AGPS: variants seen among roughly 807,000 people sequenced by gnomAD.
AGPS encodes the protein alkyldihydroxyacetonephosphate synthase, peroxisomal.
Under a neutral mutation model 90.7 loss-of-function variants are expected in AGPS, and 26 were observed. The ratio of observed to expected loss-of-function variants is 0.29; its 90% CI spans 0.21 to 0.40. The LOEUF is 0.40. Among genes scored for constraint, AGPS ranks in the 10% least tolerant of loss-of-function variants. AGPS has a pLI of 1.00. For synonymous variants in AGPS, 294 were observed against 285.3 expected, an observed-to-expected ratio of 1.03 and a Z score of -0.31; for missense variants, 540 against 816.1, an observed-to-expected ratio of 0.66 and a Z score of 4.12.
At chr2:177,466,830 A>G (rs1687466787) in intron 9 of AGPS, among the ~76,000 whole-genome samples, 1 of 151,956 alleles carries the variant, frequency 6.6e-6, no homozygotes. Flanking sequence ...CAGGCCCCCA[A>G]GAGTGTAGAG....
At chr2:177,401,889 T>C (rs1308631628) in intron 1 of AGPS, among the ~76,000 whole-genome samples, 1 of 152,164 alleles carries the variant, frequency 6.6e-6, no homozygotes, top group Non-Finnish European at 1.5e-5. Context: ...GCTTTTTCCT[T>C]GATATTATAT....
At chr2:177,402,521 C>G (rs912624894) in intron 1 of AGPS, among the ~76,000 whole-genome samples, 5 of 152,146 alleles carry the variant, frequency 3.3e-5, no homozygotes, top group Non-Finnish European at 7.4e-5. Flanking sequence ...AAGACCTTTG[C>G]TTGTTGATTG....
At chr2:177,478,811 A>AT (rs1687862121) in intron 10 of AGPS, among the ~76,000 whole-genome samples, 2 of 151,592 alleles carry the variant, frequency 1.3e-5, no homozygotes, top group South Asian at 4.2e-4. Flanking sequence ...AGTGTTTGGG[A>AT]TTTTTAGGGG....
chr2:177,438,640 A>T (rs555733711), intron 5 of AGPS, among the ~76,000 whole-genome samples: 1 of 152,092 alleles, frequency 6.6e-6, no homozygotes, highest in Non-Finnish European at 1.5e-5. Context: ...TTCATGCCGC[A>T]TGTTTCTTGC....
intron 19 of AGPS, among the ~76,000 whole-genome samples, chr2:177,531,772 C>T (rs2079139260): frequency 6.6e-6 from 1 of 152,086 alleles, no homozygotes; most frequent in African/African-American, 2.4e-5. Flanking sequence ...GTAGTCATGA[C>T]TGTGTGTTAT....
Position 177,392,999 on chromosome 2 carries a change from G to A in AGPS, c.210G>A (p.Ala70=). ...GAGCCGCGTCGGCGGCCACGGCAGC[G>A]CCCACGGCCACTCCCGCCGCGCAGG... is the stretch of plus-strand genomic sequence containing the variant. ...ARRAASAATA[A]PTATPAAQES... Residue 70 remains alanine (A), a synonymous_variant, in exon 1 of 20, where the codon GCG becomes GCA. Transcript: ENST00000264167. The A allele has an allele frequency of 5.8e-6, 9 of 1,550,232 alleles. No individual in the cohort carries two copies. The highest frequency in any genetic ancestry group is 7.0e-6 in the Non-Finnish European group (8 of 1,146,760).
intron 8 of AGPS, among the ~76,000 whole-genome samples, chr2:177,456,783 C>T (rs545221567): frequency 6.6e-6 from 1 of 152,172 alleles, no homozygotes; most frequent in South Asian, 2.1e-4. Context: ...GACAGATCAA[C>T]GAGACAGAAA....
chr2:177,480,835 T>C (rs1348701957), intron 10 of AGPS, among the ~76,000 whole-genome samples: 1 of 152,042 alleles, frequency 6.6e-6, no homozygotes, highest in African/African-American at 2.4e-5. Flanking sequence ...TCAGTAAAGA[T>C]GCTAAAACAA....
Position 177,445,587 on chromosome 2 carries a change from T to C in AGPS, c.831T>C (p.His277=), listed in dbSNP as rs1559049395. The change falls in exon 8 of 20, where the codon CAT becomes CAC. Residue 277 remains histidine, a synonymous_variant. Transcript: ENST00000264167. The stretch of plus-strand genomic sequence containing the variant: ...TTGATGAGAACAATTTGACAGCTCA[T>C]GTAGAGGCTGGCATAACAGGACAAG... ...LWVDENNLTA[H]VEAGITGQEL... The C allele has an allele frequency of 6.2e-7, 1 of 1,613,768 alleles. No individual in the cohort carries two copies. Among genetic ancestry groups the C allele is most frequent in the Non-Finnish European group, 8.5e-7 (1 of 1,179,756 alleles).
At position 177,392,819 on chromosome 2, in the gene AGPS, G is replaced by C. The variant is rs1434528840; in HGVS notation, c.30G>C (p.Gly10=). MAEAAAAAG[G]TGLGAGASYG... is the part of the protein sequence containing the mutation. ...CGGAGGCGGCGGCTGCAGCGGGTGGGACTGGCTTGGGCGCGGGCGCGAGCT... is the reference window on the plus strand; with the variant it reads ...CGGAGGCGGCGGCTGCAGCGGGTGGCACTGGCTTGGGCGCGGGCGCGAGCT... Residue 10 remains glycine (G), a synonymous_variant, in exon 1 of 20, where the codon GGG becomes GGC. Coordinates refer to ENST00000264167, the MANE Select transcript of AGPS (RefSeq NM_003659.4). 6.5e-7 allele frequency: 1 copy of C among 1,548,606 alleles called. No individual in the cohort carries two copies. Among genetic ancestry groups the C allele is most frequent in the Non-Finnish European group, 8.7e-7 (1 of 1,155,086 alleles).
At chr2:177,407,568 A>G (rs1014281409) in intron 1 of AGPS, among the ~76,000 whole-genome samples, 1 of 152,106 alleles carries the variant, frequency 6.6e-6, no homozygotes, top group Non-Finnish European at 1.5e-5. Flanking sequence ...AGATCTCATG[A>G]GAACCCACTG....
chr2:177,425,622 GAAAAAAAAAAAA>G (rs1159060576), intron 2 of AGPS, among the ~76,000 whole-genome samples: 2 of 95,278 alleles, frequency 2.1e-5, no homozygotes, highest in Non-Finnish European at 3.9e-5. Flanking sequence ...ACTCTGCCTA[GAAAAAAAAAAAA>G]AAAAAAAAAA....
chr2:177,500,304 T>G (rs1688522741), intron 14 of AGPS, among the ~76,000 whole-genome samples: 2 of 152,022 alleles, frequency 1.3e-5, no homozygotes, highest in Admixed American at 1.3e-4. Flanking sequence ...GACTGATTGA[T>G]GAGAACTATA....
intron 2 of AGPS, among the ~76,000 whole-genome samples, chr2:177,428,634 G>T (rs1156992475): frequency 6.6e-6 from 1 of 152,136 alleles, no homozygotes; most frequent in Non-Finnish European, 1.5e-5. Context: ...TAAGAATGTT[G>T]AATATTGGCC....
At chr2:177,493,013 A>C in intron 11 of AGPS, 135 bp from the exon 12 acceptor site, 1 of 750,974 alleles carries the variant, frequency 1.3e-6, no homozygotes, top group Non-Finnish European at 2.2e-6. Flanking sequence ...TGAAAAGTTA[A>C]CTTTTTTTCC....
chr2:177,404,420 G>A (rs1685410897), intron 1 of AGPS, among the ~76,000 whole-genome samples: 1 of 152,168 alleles, frequency 6.6e-6, no homozygotes, highest in Non-Finnish European at 1.5e-5. Context: ...GTTACATGGA[G>A]TGATGTAATT....
chr2:177,446,116 G>A (rs1389236074), intron 8 of AGPS, among the ~76,000 whole-genome samples: 2 of 151,510 alleles, frequency 1.3e-5, no homozygotes, highest in Non-Finnish European at 2.9e-5. Flanking sequence ...AGAGGAAGGA[G>A]CATACATGCA....
chr2:177,495,333 A>G lies in AGPS; in HGVS notation c.1285+2134A>G, dbSNP rs148520758. Among the ~76,000 whole-genome samples, 49 of 152,250 alleles carry G rather than the reference A, an allele frequency of 3.2e-4. 2 individuals carry two copies. In the East Asian group the frequency reaches 9.1e-3, roughly 28 times the overall value. ...TCAATAGCACACTTTATAAAATTCTATTCATGACTGTTCGTCAGAGTGGTA... is the reference window on the plus strand; with the variant it reads ...TCAATAGCACACTTTATAAAATTCTGTTCATGACTGTTCGTCAGAGTGGTA... On this transcript the variant is annotated intron_variant, in intron 12 of 19. Coordinates refer to ENST00000264167, the MANE Select transcript of AGPS (RefSeq NM_003659.4).
intron 1 of AGPS, 86 bp from the exon 2 acceptor site, chr2:177,420,183 G>T (rs536210467): frequency 2.3e-6 from 2 of 858,692 alleles, no homozygotes; most frequent in East Asian, 2.5e-5. Context: ...TATTTTAGAT[G>T]ATTGTGAGTT....
Sources: allele counts gnomAD v4.1 joint callset (sites outside exome capture counted in the v4.1 genomes callset), GRCh38; gene constraint gnomAD v4.1.1; transcripts MANE v1.5; gene names NCBI Gene and HGNC (gene_info 2026-07-23, HGNC 2026-07-21).